The following MACROD2 variants were observed in gnomAD, a reference collection of about 807,000 sequenced individuals.
The protein encoded by MACROD2 is mono-ADP ribosylhydrolase 2, also known as ADP-ribose glycohydrolase MACROD2.
In MACROD2, 36 loss-of-function variants were observed where a neutral mutation model predicts 70.4. The observed-to-expected ratio is 0.51, with a 90% CI of 0.39 to 0.68. The LOEUF is 0.68. Among genes scored for constraint, MACROD2 ranks in the 30% least tolerant of loss-of-function variants. MACROD2 has a pLI of 0.00. For missense variants in MACROD2, 496 were observed against 538.4 expected (o/e 0.92, Z 0.78); for synonymous variants, 172 against 178.8 (o/e 0.96, Z 0.30).
chr20:14,682,670 G>A (rs1337298850), intron 4 of MACROD2, among the ~76,000 whole-genome samples: 1 of 151,880 alleles, frequency 6.6e-6, no homozygotes, highest in Admixed American at 6.6e-5. Flanking sequence ...GCATTGATGG[G>A]CTTTTATTTA....
intron 8 of MACROD2, among the ~76,000 whole-genome samples, chr20:15,586,831 C>T (rs2048609152): frequency 6.6e-6 from 1 of 151,796 alleles, no homozygotes; most frequent in Non-Finnish European, 1.5e-5. Flanking sequence ...AAACAGAAGC[C>T]CCATTTTTCA....
chr20:14,752,837 A>G (rs1331253027), intron 5 of MACROD2, among the ~76,000 whole-genome samples: 7 of 152,080 alleles, frequency 4.6e-5, no homozygotes, highest in African/African-American at 1.7e-4. Context: ...GAATAAGGAG[A>G]ATGAGGAAAA....
At chr20:15,571,346 C>T (rs1169408380) in intron 8 of MACROD2, among the ~76,000 whole-genome samples, 2 of 151,838 alleles carry the variant, frequency 1.3e-5, no homozygotes, top group African/African-American at 4.8e-5. Context: ...TACTTTATTC[C>T]TTTTCTTTGG....
chr20:15,140,399 C>G (rs2076183020), intron 5 of MACROD2, among the ~76,000 whole-genome samples: 1 of 152,194 alleles, frequency 6.6e-6, no homozygotes, highest in Middle Eastern at 3.4e-3. Context: ...TAGTCTGTCT[C>G]TAGTTCTCCA....
intron 5 of MACROD2, among the ~76,000 whole-genome samples, chr20:15,216,012 G>T (rs946488083): frequency 2.0e-5 from 3 of 152,060 alleles, no homozygotes; most frequent in Non-Finnish European, 4.4e-5. Context: ...AAATGAAAGA[G>T]TAGTAATAAT....
intron 15 of MACROD2, among the ~76,000 whole-genome samples, chr20:16,040,596 G>A (rs573549173): frequency 1.9e-4 from 29 of 151,212 alleles, no homozygotes; most frequent in South Asian, 8.5e-4. Context: ...GCATCTTATC[G>A]AAGCACCTTG....
chr20:14,110,710 A>G (rs2054438164), intron 3 of MACROD2, among the ~76,000 whole-genome samples: 1 of 152,016 alleles, frequency 6.6e-6, no homozygotes, highest in South Asian at 2.1e-4. Flanking sequence ...CATTGATGCC[A>G]GAAATTGAAG....
At chr20:15,808,294 TAAAG>T (rs1303594079) in intron 8 of MACROD2, among the ~76,000 whole-genome samples, 2 of 152,198 alleles carry the variant, frequency 1.3e-5, no homozygotes, top group African/African-American at 4.8e-5. Context: ...CTTTGGAAAA[TAAAG>T]AAACTGAACT....
At chr20:15,220,868 C>T (rs888204940) in intron 5 of MACROD2, among the ~76,000 whole-genome samples, 6 of 152,166 alleles carry the variant, frequency 3.9e-5, no homozygotes. Flanking sequence ...TGCACTGGCA[C>T]ATAGTGGGTT....
intron 8 of MACROD2, among the ~76,000 whole-genome samples, chr20:15,542,057 G>C (rs2047964430): frequency 6.6e-6 from 1 of 152,178 alleles, no homozygotes; most frequent in Non-Finnish European, 1.5e-5. Context: ...TACAATGCAT[G>C]CAGGTGACAG....
chr20:14,396,752 C>T (rs1261479599), intron 3 of MACROD2, among the ~76,000 whole-genome samples: 3 of 151,410 alleles, frequency 2.0e-5, no homozygotes, highest in South Asian at 2.1e-4. Context: ...GGTGAAACCC[C>T]GTCACTACTA....
At chr20:14,772,511 G>A (rs1052690275) in intron 5 of MACROD2, among the ~76,000 whole-genome samples, 10 of 151,904 alleles carry the variant, frequency 6.6e-5, no homozygotes, top group East Asian at 3.9e-4. Flanking sequence ...GGAAACTCCC[G>A]TTTTTAAAAC....
chr20:15,636,606 A>G (rs1044042145), intron 8 of MACROD2, among the ~76,000 whole-genome samples: 1 of 152,180 alleles, frequency 6.6e-6, no homozygotes, highest in Non-Finnish European at 1.5e-5. Context: ...CCGAAAAGAC[A>G]AAGTGCATCA....
At chr20:14,029,115 C>T (rs938246176) in intron 2 of MACROD2, among the ~76,000 whole-genome samples, 7 of 152,104 alleles carry the variant, frequency 4.6e-5, no homozygotes, top group South Asian at 2.1e-4. Context: ...TTCAACTGTT[C>T]GTTAAATGGA....
At chr20:14,284,838 T>A (rs2122420196) in intron 3 of MACROD2, among the ~76,000 whole-genome samples, 1 of 152,370 alleles carries the variant, frequency 6.6e-6, no homozygotes, top group South Asian at 2.1e-4. Context: ...GAGTTCACAC[T>A]TCACTGGGAA....
intron 4 of MACROD2, among the ~76,000 whole-genome samples, chr20:14,675,111 C>T (rs1226129560): frequency 6.6e-6 from 1 of 152,034 alleles, no homozygotes; most frequent in African/African-American, 2.4e-5. Flanking sequence ...GAGAATAGAA[C>T]CAAGTTGGAA....
At chr20:15,367,617 G>T (rs908140105) in intron 6 of MACROD2, among the ~76,000 whole-genome samples, 16 of 151,896 alleles carry the variant, frequency 1.1e-4, no homozygotes, top group Non-Finnish European at 1.9e-4. Context: ...AGTATAGAAG[G>T]GTTTTACATT....
At chr20:16,003,067 AACCC>A (rs761630895) in intron 15 of MACROD2, among the ~76,000 whole-genome samples, 6,779 of 137,110 alleles carry the variant, frequency 0.049, 355 homozygotes, top group African/African-American at 0.12. Flanking sequence ...CAAAATAGAA[AACCC>A]ACCCACCCAC....
chr20:15,448,121 G>C (rs986443299), intron 7 of MACROD2, among the ~76,000 whole-genome samples: 7 of 152,102 alleles, frequency 4.6e-5, no homozygotes, highest in Non-Finnish European at 8.8e-5. Context: ...TAGAAGGCAG[G>C]AGAGTTCCCT....
Sources: allele counts gnomAD v4.1 joint callset (sites outside exome capture counted in the v4.1 genomes callset), GRCh38; gene constraint gnomAD v4.1.1; transcripts MANE v1.5; gene names NCBI Gene and HGNC (gene_info 2026-07-23, HGNC 2026-07-21).